Variants in SNTG2 observed in about 807,000 individuals in gnomAD.
SNTG2 encodes the protein gamma-2-syntrophin.
Under a neutral mutation model 70.9 loss-of-function variants are expected in SNTG2, and 74 were observed. That is an observed-to-expected ratio of 1.04 (90% CI 0.86 to 1.27). The LOEUF is 1.27. Ranked by LOEUF, SNTG2 falls within the 50% of genes most tolerant of loss-of-function variation. The probability of loss-of-function intolerance (pLI) is 0.00; values close to 1 mark genes in which losing one functional copy is unlikely to be tolerated. For missense variants in SNTG2, 717 were observed against 690.7 expected (o/e 1.04, Z -0.43); for synonymous variants, 278 against 273.8 (o/e 1.02, Z -0.15).
rs371865515 is a variant in SNTG2, at chr2:1,127,964, T to A, written c.326-9658T>A. Among the ~76,000 whole-genome samples the A allele has an allele frequency of 5.9e-5, 9 of 152,320 alleles. No individual in the cohort carries two copies. In the Middle Eastern group the frequency reaches 0.014, roughly 232 times the overall value. ...CCTTTATTTATTTCTCTTGCCTGAGTGCTCTAGCTAGGACTTCCAGTACTA... is the reference window on the plus strand; with the variant it reads ...CCTTTATTTATTTCTCTTGCCTGAGAGCTCTAGCTAGGACTTCCAGTACTA... On this transcript the variant is annotated intron_variant, in intron 4 of 16. Coordinates refer to ENST00000308624, the MANE Select transcript of SNTG2 (RefSeq NM_018968.4).
At chr2:1,082,471 C>T (rs1163309187) in intron 1 of SNTG2, among the ~76,000 whole-genome samples, 13 of 152,138 alleles carry the variant, frequency 8.5e-5, no homozygotes, top group Non-Finnish European at 1.5e-4. Context: ...GGGACCTCCC[C>T]GTCCGTGGGC....
intron 14 of SNTG2, among the ~76,000 whole-genome samples, chr2:1,297,917 C>T (rs1246256197): frequency 1.3e-5 from 2 of 152,106 alleles, no homozygotes; most frequent in Admixed American, 6.5e-5. Flanking sequence ...CCAACCAGGG[C>T]TTGAGCAGGG....
intron 1 of SNTG2, among the ~76,000 whole-genome samples, chr2:964,362 G>A (rs1254893271): frequency 6.6e-6 from 1 of 152,158 alleles, no homozygotes; most frequent in Non-Finnish European, 1.5e-5. Context: ...CCGCCCCTTC[G>A]TGCCAGGGTT....
intron 12 of SNTG2, among the ~76,000 whole-genome samples, chr2:1,253,508 G>A (rs774108096): frequency 6.6e-6 from 1 of 152,120 alleles, no homozygotes; most frequent in Non-Finnish European, 1.5e-5. Context: ...AGCAGTCTAC[G>A]TCAGAAAATT....
chr2:1,177,486 A>G (rs1671557604), intron 8 of SNTG2, among the ~76,000 whole-genome samples: 2 of 140,032 alleles, frequency 1.4e-5, no homozygotes, highest in South Asian at 4.5e-4. Flanking sequence ...GAACTTAAAA[A>G]TAAAAATTAA....
At chr2:1,204,722 A>G (rs935682405) in intron 8 of SNTG2, among the ~76,000 whole-genome samples, 1 of 152,182 alleles carries the variant, frequency 6.6e-6, no homozygotes, top group African/African-American at 2.4e-5. Context: ...GCAGTTGTTA[A>G]TCTCTTACGG....
At chr2:1,080,872 T>G (rs1353104715) in intron 1 of SNTG2, among the ~76,000 whole-genome samples, 1 of 152,058 alleles carries the variant, frequency 6.6e-6, no homozygotes, top group Non-Finnish European at 1.5e-5. Flanking sequence ...TGTTTTTGGG[T>G]GGCCTAGGTC....
intron 4 of SNTG2, among the ~76,000 whole-genome samples, chr2:1,125,411 C>A (rs1667637149): frequency 1.3e-5 from 2 of 152,094 alleles, no homozygotes; most frequent in Admixed American, 1.3e-4. Context: ...CCTCTTGCTT[C>A]TTCCCTCTCC....
At chr2:952,223 G>A (rs751249662) in intron 1 of SNTG2, among the ~76,000 whole-genome samples, 14 of 152,136 alleles carry the variant, frequency 9.2e-5, no homozygotes, top group Non-Finnish European at 1.6e-4. Context: ...GAAAATATGC[G>A]GGGATTACCT....
chr2:1,157,729 C>T, intron 6 of SNTG2, among the ~76,000 whole-genome samples: 1 of 152,174 alleles, frequency 6.6e-6, no homozygotes, highest in East Asian at 1.9e-4. Flanking sequence ...GTTGAGGTCA[C>T]AGAATTTTTT....
intron 1 of SNTG2, among the ~76,000 whole-genome samples, chr2:982,394 C>G (rs952953971): frequency 6.6e-6 from 1 of 152,138 alleles, no homozygotes; most frequent in Non-Finnish European, 1.5e-5. Flanking sequence ...CCTGCACACC[C>G]CCTCGGTACA....
intron 2 of SNTG2, among the ~76,000 whole-genome samples, chr2:1,083,909 C>T (rs561412838): frequency 3.3e-5 from 5 of 151,950 alleles, no homozygotes; most frequent in Non-Finnish European, 7.4e-5. Context: ...CCAATCCTGG[C>T]GTGTGCCTGT....
At chr2:1,060,897 A>G (rs996872977) in intron 1 of SNTG2, among the ~76,000 whole-genome samples, 3 of 152,230 alleles carry the variant, frequency 2.0e-5, no homozygotes, top group Non-Finnish European at 4.4e-5. Flanking sequence ...CCCCTGAATT[A>G]TGTATAAATT....
intron 16 of SNTG2, among the ~76,000 whole-genome samples, chr2:1,347,892 C>G (rs908166651): frequency 6.6e-6 from 1 of 152,114 alleles, no homozygotes; most frequent in African/African-American, 2.4e-5. Flanking sequence ...ATTTGTGATA[C>G]AAAGAACAAA....
intron 16 of SNTG2, among the ~76,000 whole-genome samples, chr2:1,364,661 G>T (rs1024561599): frequency 6.7e-6 from 1 of 150,222 alleles, no homozygotes; most frequent in Non-Finnish European, 1.5e-5. Flanking sequence ...GGGAGGCCGA[G>T]ATGGGCGGAT....
At chr2:1,059,586 A>G (rs1662682056) in intron 1 of SNTG2, among the ~76,000 whole-genome samples, 1 of 152,196 alleles carries the variant, frequency 6.6e-6, no homozygotes, top group Non-Finnish European at 1.5e-5. Flanking sequence ...TTTCATCTAA[A>G]TACGTTTTTT....
At chr2:1,237,447 T>G (rs1037455339) in intron 9 of SNTG2, among the ~76,000 whole-genome samples, 9 of 152,004 alleles carry the variant, frequency 5.9e-5, no homozygotes, top group African/African-American at 2.2e-4. Flanking sequence ...GGGGACTATG[T>G]TCTCCCAAAG....
At chr2:1,143,355 G>T (rs1558450663) in intron 6 of SNTG2, among the ~76,000 whole-genome samples, 2 of 152,132 alleles carry the variant, frequency 1.3e-5, no homozygotes, top group Non-Finnish European at 2.9e-5. Context: ...GTGGAAACAT[G>T]AGTCCCTGGG....
At chr2:1,278,564 A>C (rs1679366465) in intron 14 of SNTG2, among the ~76,000 whole-genome samples, 1 of 152,178 alleles carries the variant, frequency 6.6e-6, no homozygotes, top group Non-Finnish European at 1.5e-5. Flanking sequence ...CGCATCTTAC[A>C]AGCCTCAATT....
Sources: allele counts gnomAD v4.1 joint callset (sites outside exome capture counted in the v4.1 genomes callset), GRCh38; gene constraint gnomAD v4.1.1; transcripts MANE v1.5; gene names NCBI Gene and HGNC (gene_info 2026-07-23, HGNC 2026-07-21).